Variants in CCDC18 observed in about 807,000 individuals in gnomAD.
CCDC18 encodes the protein coiled-coil domain-containing protein 18.
A neutral mutation model predicts 196.0 loss-of-function variants in CCDC18; 157 were observed. The ratio of observed to expected loss-of-function variants is 0.80; its 90% CI spans 0.70 to 0.91. The LOEUF is 0.91. Among genes scored for constraint, CCDC18 ranks in the 40% least tolerant of loss-of-function variants. The pLI, the probability that CCDC18 is intolerant of heterozygous loss-of-function variation, is 0.00. For synonymous variants in CCDC18, 482 were observed against 529.2 expected, an observed-to-expected ratio of 0.91 and a Z score of 1.22; for missense variants, 1,465 against 1,611.6, an observed-to-expected ratio of 0.91 and a Z score of 1.56.
chr1:93,219,258 A>G (rs1657018109), intron 14 of CCDC18, among the ~76,000 whole-genome samples: 1 of 152,112 alleles, frequency 6.6e-6, no homozygotes, highest in Admixed American at 6.5e-5. Flanking sequence ...GCATGAATTT[A>G]TTTTTCTTCA....
chr1:93,182,455 C>T (rs1195217499), intron 1 of CCDC18, among the ~76,000 whole-genome samples: 3 of 151,972 alleles, frequency 2.0e-5, no homozygotes, highest in Non-Finnish European at 4.4e-5. Flanking sequence ...CTAAGAAGGG[C>T]GTTGAAGGAG....
chr1:93,196,969 C>T (rs1652831808), intron 6 of CCDC18, among the ~76,000 whole-genome samples: 1 of 152,102 alleles, frequency 6.6e-6, no homozygotes, highest in African/African-American at 2.4e-5. Flanking sequence ...ATTAGAAAAC[C>T]TTTAGAACTG....
upstream of CCDC18, chr1:93,180,369 G>A: frequency 1.5e-6 from 2 of 1,294,948 alleles, no homozygotes; most frequent in Non-Finnish European, 1.1e-6. Flanking sequence ...GGTGGCGGCC[G>A]CGGCGGCGGC....
At chr1:93,241,019 A>G (rs1034704691) in intron 21 of CCDC18, among the ~76,000 whole-genome samples, 3 of 152,036 alleles carry the variant, frequency 2.0e-5, no homozygotes, top group Admixed American at 6.6e-5. Context: ...GTGCAGTGGC[A>G]TGATCTCAGC....
At chr1:93,185,225 T>C (rs1259001778) in intron 3 of CCDC18, among the ~76,000 whole-genome samples, 1 of 151,890 alleles carries the variant, frequency 6.6e-6, no homozygotes, top group East Asian at 1.9e-4. Context: ...ATGTTTGAGG[T>C]GTTATTTTAT....
intron 26 of CCDC18, among the ~76,000 whole-genome samples, chr1:93,261,343 A>G (rs190753136): frequency 1.4e-4 from 22 of 152,238 alleles, no homozygotes; most frequent in Non-Finnish European, 3.1e-4. Flanking sequence ...ATACATCCTC[A>G]TATTTATTTT....
chr1:93,266,019 G>C (rs1462351174), intron 27 of CCDC18, among the ~76,000 whole-genome samples: 1 of 152,020 alleles, frequency 6.6e-6, no homozygotes, highest in Non-Finnish European at 1.5e-5. Context: ...TCACACTTCT[G>C]CCAAAATTGA....
intron 24 of CCDC18, 145 bp downstream of exon 24, chr1:93,254,759 A>G: frequency 1.3e-6 from 1 of 762,524 alleles, no homozygotes; most frequent in Non-Finnish European, 2.2e-6. Context: ...GAAACCTGTT[A>G]GTTTCTTTGA....
At chr1:93,188,180 A>C (rs929689128) in intron 4 of CCDC18, among the ~76,000 whole-genome samples, 5 of 152,174 alleles carry the variant, frequency 3.3e-5, no homozygotes, top group African/African-American at 1.2e-4. Context: ...GAAGCCACCT[A>C]TTTCAGGCCA....
intron 26 of CCDC18, among the ~76,000 whole-genome samples, chr1:93,263,922 G>A (rs1664148430): frequency 6.6e-6 from 1 of 152,138 alleles, no homozygotes; most frequent in South Asian, 2.1e-4. Context: ...TCCAGGTGAA[G>A]GTGCAAGGGC....
intron 27 of CCDC18, 90 bp from the exon 28 acceptor site, chr1:93,270,257 T>G (rs1665108422): frequency 2.7e-6 from 2 of 745,436 alleles, no homozygotes; most frequent in Admixed American, 5.8e-5. Flanking sequence ...GGGACAAAGG[T>G]TGACTTTCTA....
Position 93,264,718 on chromosome 1 carries a change from G to A in CCDC18, c.3702G>A (p.Glu1234=), listed in dbSNP as rs1358329147. The A allele has an allele frequency of 3.1e-5, 50 of 1,610,218 alleles. No individual in the cohort carries two copies. The highest frequency in any genetic ancestry group is 4.2e-5 in the Non-Finnish European group (49 of 1,177,272). Residue 1234 remains glutamate (E), a synonymous_variant, in exon 27 of 29, where the codon GAG becomes GAA. Transcript: ENST00000690025. The part of the protein sequence containing the change: ...AYHMEMISHQ[E]NHAKWKISAD... ...CTATATAGATGATTTCACATCAAGA[G>A]AACCATGCAAAGTGGAAGATTTCTG...
At chr1:93,240,061 T>C (rs914083789) in intron 21 of CCDC18, among the ~76,000 whole-genome samples, 165 bp downstream of exon 21, 6 of 152,200 alleles carry the variant, frequency 3.9e-5, no homozygotes, top group African/African-American at 1.4e-4. Context: ...TCAGCTGTCT[T>C]TGTTGGCCGC....
Position 93,258,864 on chromosome 1 carries a change from CAAA to C in CCDC18, c.3664_3666del (p.Lys1222del). ...AATTGTCAGCAGAAGTAGAATCTCT[CAAA>C]GAAGCTTATCATATGGAGGTAAAGA... On this transcript the variant is annotated inframe_deletion, in exon 26 of 29. Transcript: ENST00000690025. 1 of 1,596,554 alleles carries C rather than the reference CAAA, an allele frequency of 6.3e-7. No individual in the cohort carries two copies.
chr1:93,256,414 G>A lies in CCDC18; in HGVS notation c.3422G>A (p.Arg1141Gln), dbSNP rs780779985. ...IDLGQELRLT[R>Q]EQVQNSHTEL... Reference sequence around the variant, plus strand: ...TTGGGGCAAGAATTGAGGCTGACCCGGGAGCAGGTGCAGAACTCTCATACA... The same window carrying A: ...TTGGGGCAAGAATTGAGGCTGACCCAGGAGCAGGTGCAGAACTCTCATACA... The change falls in exon 25 of 29, where the codon CGG (arginine) becomes CAG (glutamine). Residue 1141 changes from arginine (R) to glutamine (Q), a missense_variant. Transcript: ENST00000690025. 4.3e-6 allele frequency: 7 copies of A among 1,613,948 alleles called. No individual in the cohort carries two copies. The highest frequency in any genetic ancestry group is 1.1e-5 in the South Asian group (1 of 91,086).
intron 28 of CCDC18, among the ~76,000 whole-genome samples, chr1:93,272,958 A>AG (rs1553191153): frequency 6.6e-6 from 1 of 151,860 alleles, no homozygotes; most frequent in African/African-American, 2.4e-5. Context: ...TCTTGGATAA[A>AG]AAGGGGCAGT....
At chr1:93,201,792 C>A in intron 6 of CCDC18, 100 bp from the exon 7 acceptor site, 1 of 675,014 alleles carries the variant, frequency 1.5e-6, no homozygotes, top group Non-Finnish European at 2.3e-6. Flanking sequence ...AAATTTGTTT[C>A]TCTCCAATTA....
intron 17 of CCDC18, among the ~76,000 whole-genome samples, chr1:93,231,868 A>G (rs1348853703): frequency 6.6e-6 from 1 of 152,232 alleles, no homozygotes; most frequent in African/African-American, 2.4e-5. Context: ...CAAACATCAT[A>G]TAGTGCTTTT....
At chr1:93,268,660 C>A (rs1424448317) in intron 27 of CCDC18, among the ~76,000 whole-genome samples, 3 of 152,068 alleles carry the variant, frequency 2.0e-5, no homozygotes, top group Admixed American at 2.0e-4. Context: ...ATGCAGCCAA[C>A]AGACACATGA....
Sources: gnomAD v4.1 joint callset for allele counts (sites outside exome capture counted in the v4.1 genomes callset) on GRCh38, gnomAD v4.1.1 for gene constraint, MANE v1.5 for transcripts, NCBI Gene and HGNC (gene_info 2026-07-23, HGNC 2026-07-21) for gene names.